The following SLC8A1 variants were observed in gnomAD, a reference collection of about 807,000 sequenced individuals.
SLC8A1 encodes solute carrier family 8 member A1, also known as sodium/calcium exchanger 1.
SLC8A1 carries 18 observed loss-of-function variants against 68.3 expected under a neutral mutation model. The observed-to-expected ratio is 0.26, with a 90% CI of 0.18 to 0.39. The LOEUF is 0.39. Ranked by LOEUF, SLC8A1 falls within the 10% of genes least tolerant of loss-of-function variation. The probability of loss-of-function intolerance (pLI) is 1.00; values close to 1 mark genes in which losing one functional copy is unlikely to be tolerated. For synonymous variants in SLC8A1, 475 were observed against 415.5 expected, an observed-to-expected ratio of 1.14 and a Z score of -1.74; for missense variants, 985 against 1,156.7, an observed-to-expected ratio of 0.85 and a Z score of 2.15.
At chr2:40,372,412 T>C (rs1678396277) in intron 2 of SLC8A1, among the ~76,000 whole-genome samples, 2 of 152,128 alleles carry the variant, frequency 1.3e-5, no homozygotes, top group African/African-American at 4.8e-5. Flanking sequence ...CTTTCCTTTT[T>C]AAGTGGAAGC....
chr2:40,128,619 G>A (rs1236223916), intron 7 of SLC8A1, among the ~76,000 whole-genome samples: 3 of 152,164 alleles, frequency 2.0e-5, no homozygotes, highest in African/African-American at 4.8e-5. Flanking sequence ...ACTGCCCTAA[G>A]AGTCACAGTG....
At chr2:40,373,485 C>A (rs1678810476) in intron 2 of SLC8A1, among the ~76,000 whole-genome samples, 1 of 152,008 alleles carries the variant, frequency 6.6e-6, no homozygotes, top group South Asian at 2.1e-4. Flanking sequence ...AAAATGACCC[C>A]AAGACTAATT....
intron 2 of SLC8A1, among the ~76,000 whole-genome samples, chr2:40,386,964 G>C (rs1177337744): frequency 6.6e-6 from 1 of 151,234 alleles, no homozygotes; most frequent in Non-Finnish European, 1.5e-5. Context: ...ACTCTCCAAT[G>C]GTGTACACTT....
intron 2 of SLC8A1, among the ~76,000 whole-genome samples, chr2:40,325,708 T>C (rs2149355363): frequency 7.7e-6 from 1 of 130,592 alleles, no homozygotes; most frequent in African/African-American, 3.0e-5. Flanking sequence ...CCAAGACGGG[T>C]GGATCACAAG....
At chr2:40,374,449 G>A (rs1679151223) in intron 2 of SLC8A1, among the ~76,000 whole-genome samples, 2 of 151,840 alleles carry the variant, frequency 1.3e-5, no homozygotes, top group African/African-American at 2.4e-5. Flanking sequence ...AGGACTTAAG[G>A]CTATTCAGGT....
chr2:40,466,327 C>T (rs1023940410), intron 1 of SLC8A1, among the ~76,000 whole-genome samples: 2 of 152,002 alleles, frequency 1.3e-5, no homozygotes, highest in Admixed American at 6.6e-5. Context: ...CAATCAAAAG[C>T]GATGGAAAAT....
At chr2:40,368,978 T>A (rs1206179528) in intron 2 of SLC8A1, among the ~76,000 whole-genome samples, 1 of 152,082 alleles carries the variant, frequency 6.6e-6, no homozygotes, top group Non-Finnish European at 1.5e-5. Context: ...GATAACTGGC[T>A]AGCTGTATGC....
intron 5 of SLC8A1, among the ~76,000 whole-genome samples, chr2:40,163,994 T>G (rs1428554950): frequency 6.6e-6 from 1 of 152,206 alleles, no homozygotes; most frequent in African/African-American, 2.4e-5. Flanking sequence ...ACAGGAACAG[T>G]GTCTGCTTTT....
exon 8 of SLC8A1, chr2:40,099,274 A>G (rs1211749277): frequency 6.6e-6 from 1 of 152,054 alleles, no homozygotes; most frequent in Non-Finnish European, 1.5e-5. Context: ...TGAGTAATAT[A>G]TGATGCATAT....
At chr2:40,494,969 A>G (rs1440405423) in intron 1 of SLC8A1, among the ~76,000 whole-genome samples, 1 of 151,840 alleles carries the variant, frequency 6.6e-6, no homozygotes, top group African/African-American at 2.4e-5. Context: ...TTACAAATGA[A>G]AAAACTGAAG....
chr2:40,257,922 C>A (rs986075635), intron 2 of SLC8A1, among the ~76,000 whole-genome samples: 1 of 152,178 alleles, frequency 6.6e-6, no homozygotes, highest in Non-Finnish European at 1.5e-5. Context: ...AATGCCTAAA[C>A]TGTAATCACA....
At chr2:40,284,661 A>AAT (rs5830618) in intron 2 of SLC8A1, among the ~76,000 whole-genome samples, 3 of 144,952 alleles carry the variant, frequency 2.1e-5, no homozygotes, top group East Asian at 2.0e-4. Context: ...TATAAATATA[A>AAT]ATATATATAT....
intron 2 of SLC8A1, among the ~76,000 whole-genome samples, chr2:40,222,702 G>A (rs1449216516): frequency 6.6e-6 from 1 of 152,062 alleles, no homozygotes; most frequent in African/African-American, 2.4e-5. Context: ...TCAAAAAGTG[G>A]GCAAAGGATA....
At chr2:40,442,737 A>G (rs1057152818) in intron 1 of SLC8A1, among the ~76,000 whole-genome samples, 1 of 152,228 alleles carries the variant, frequency 6.6e-6, no homozygotes, top group Admixed American at 6.5e-5. Flanking sequence ...CATTTGACCT[A>G]GCAATCCCAT....
At chr2:40,480,968 C>T (rs1053289604) in intron 1 of SLC8A1, among the ~76,000 whole-genome samples, 7 of 152,110 alleles carry the variant, frequency 4.6e-5, no homozygotes, top group African/African-American at 1.7e-4. Flanking sequence ...AAGATCATAA[C>T]CACAACCTTT....
intron 7 of SLC8A1, chr2:40,120,656 A>G (rs1330765435): frequency 1.3e-5 from 2 of 152,168 alleles, no homozygotes; most frequent in East Asian, 3.8e-4. Flanking sequence ...GATTATAACT[A>G]TTTTATCATT....
intron 2 of SLC8A1, among the ~76,000 whole-genome samples, chr2:40,339,226 C>G (rs1349516527): frequency 1.3e-5 from 2 of 152,200 alleles, no homozygotes; most frequent in Non-Finnish European, 2.9e-5. Flanking sequence ...TCTGTAGCAA[C>G]CACTGTCTTG....
intron 1 of SLC8A1, among the ~76,000 whole-genome samples, chr2:40,505,717 G>A (rs4952631): frequency 0.024 from 3,688 of 152,002 alleles, 138 homozygotes; most frequent in Admixed American, 0.098. Context: ...AGACTTATCT[G>A]TACTTTTAGA....
intron 1 of SLC8A1, 45 bp downstream of exon 1, chr2:40,451,859 G>T (rs1395770407): frequency 6.6e-6 from 1 of 152,108 alleles, no homozygotes; most frequent in East Asian, 1.9e-4. Context: ...AATAGTTCTT[G>T]GTCTCTGACT....
Sources: gnomAD v4.1 joint callset for allele counts (sites outside exome capture counted in the v4.1 genomes callset) on GRCh38, gnomAD v4.1.1 for gene constraint, MANE v1.5 for transcripts, NCBI Gene and HGNC (gene_info 2026-07-23, HGNC 2026-07-21) for gene names.